Variants in EYS observed in about 807,000 individuals in gnomAD.
The protein encoded by EYS is EGF-like photoreceptor maintenance factor.
Under a neutral mutation model 282.1 loss-of-function variants are expected in EYS, and 250 were observed. The observed-to-expected ratio is 0.89, with a 90% CI of 0.80 to 0.98. The LOEUF (loss-of-function observed/expected upper bound fraction) is 0.98. Among genes scored for constraint, EYS ranks in the 50% least tolerant of loss-of-function variants. The probability of loss-of-function intolerance (pLI) is 0.00; values close to 1 mark genes in which losing one functional copy is unlikely to be tolerated. For synonymous variants in EYS, 1,355 were observed against 1,282.9 expected (o/e 1.06, Z -1.20); for missense variants, 4,016 against 3,709.0 (o/e 1.08, Z -2.15).
At chr6:64,469,893 A>G (rs1776064912) in intron 26 of EYS, among the ~76,000 whole-genome samples, 1 of 152,128 alleles carries the variant, frequency 6.6e-6, no homozygotes, top group Non-Finnish European at 1.5e-5. Context: ...TGCCTTTTAG[A>G]TAATAGTAGC....
chr6:64,189,926 T>C (rs1245103883), intron 31 of EYS, among the ~76,000 whole-genome samples: 2 of 152,222 alleles, frequency 1.3e-5, no homozygotes, highest in Non-Finnish European at 2.9e-5. Flanking sequence ...CTGTGCTAGA[T>C]ACATACTAAA....
At chr6:65,335,703 A>G (rs1259273456) in intron 10 of EYS, among the ~76,000 whole-genome samples, 1 of 151,666 alleles carries the variant, frequency 6.6e-6, no homozygotes, top group African/African-American at 2.4e-5. Flanking sequence ...TGCTTTCCCC[A>G]CAAACTTGCT....
intron 19 of EYS, 105 bp from the exon 20 acceptor site, chr6:64,822,927 A>G (rs1023732518): frequency 4.1e-5 from 35 of 845,874 alleles, no homozygotes; most frequent in Admixed American, 6.3e-5. Flanking sequence ...ACCTCTCTCT[A>G]TAATGATAAC....
intron 14 of EYS, among the ~76,000 whole-genome samples, chr6:64,964,242 T>G (rs1770022791): frequency 6.6e-6 from 1 of 152,100 alleles, no homozygotes; most frequent in Non-Finnish European, 1.5e-5. Flanking sequence ...TATGAAGGAA[T>G]TTTTATTTCC....
chr6:65,238,600 A>C (rs1284587530), intron 12 of EYS, among the ~76,000 whole-genome samples: 1 of 152,012 alleles, frequency 6.6e-6, no homozygotes, highest in Non-Finnish European at 1.5e-5. Flanking sequence ...GTACGAAAGC[A>C]CTTTTAAAAA....
At chr6:64,793,440 T>C (rs917013048) in intron 22 of EYS, among the ~76,000 whole-genome samples, 2 of 152,088 alleles carry the variant, frequency 1.3e-5, no homozygotes, top group African/African-American at 4.8e-5. Flanking sequence ...TAAGTAATAG[T>C]AGGGAATGTA....
chr6:65,367,420 A>C (rs1468671732), intron 8 of EYS, among the ~76,000 whole-genome samples: 1 of 151,754 alleles, frequency 6.6e-6, no homozygotes, highest in Non-Finnish European at 1.5e-5. Context: ...CTTGTTAAAA[A>C]AAGTTTTTTT....
chr6:63,850,448 A>C (rs1290601659), intron 36 of EYS, among the ~76,000 whole-genome samples: 1 of 152,230 alleles, frequency 6.6e-6, no homozygotes, highest in Non-Finnish European at 1.5e-5. Flanking sequence ...GGTTACCCAC[A>C]AAGGGAAGCC....
At chr6:65,317,700 T>C (rs1267079144) in intron 11 of EYS, among the ~76,000 whole-genome samples, 2 of 152,086 alleles carry the variant, frequency 1.3e-5, no homozygotes, top group African/African-American at 2.4e-5. Context: ...GGCTGGAGAA[T>C]CCACTGTTAA....
chr6:65,366,978 C>G (rs551792086), intron 8 of EYS, among the ~76,000 whole-genome samples: 11 of 151,654 alleles, frequency 7.3e-5, no homozygotes, highest in African/African-American at 2.4e-4. Flanking sequence ...TTATATCAGG[C>G]CCCATCTGAT....
chr6:65,180,630 A>C (rs916177206), intron 12 of EYS, among the ~76,000 whole-genome samples: 3 of 152,040 alleles, frequency 2.0e-5, no homozygotes, highest in East Asian at 3.9e-4. Flanking sequence ...GGCCATACTG[A>C]CCAAGGTAAT....
chr6:64,948,280 A>T (rs1769361041), intron 14 of EYS, among the ~76,000 whole-genome samples: 1 of 151,362 alleles, frequency 6.6e-6, no homozygotes, highest in Non-Finnish European at 1.5e-5. Flanking sequence ...TTTATTCATC[A>T]GTATCTTACT....
intron 22 of EYS, among the ~76,000 whole-genome samples, chr6:64,691,558 A>G (rs79056611): frequency 1.3e-5 from 2 of 152,122 alleles, no homozygotes; most frequent in African/African-American, 2.4e-5. Flanking sequence ...GATTTGTTAC[A>G]TGGGAATATA....
In EYS at chr6:64,540,377, C is replaced by G. The variant is rs77293060; in HGVS notation, c.5644+49846G>C. Among the ~76,000 whole-genome samples the G allele has an allele frequency of 5.2e-3, 790 of 151,918 alleles. 7 individuals carry two copies. The highest frequency in any genetic ancestry group is 8.9e-3 in the Admixed American group (135 of 15,238). On this transcript the variant is annotated intron_variant, in intron 26 of 42. Transcript: ENST00000503581. ...GGTAACAGACGCCTGTTCAGAGAAGCAATGTAAGGTGATTATTTACACATA... is the reference window on the plus strand; with the variant it reads ...GGTAACAGACGCCTGTTCAGAGAAGGAATGTAAGGTGATTATTTACACATA...
chr6:64,563,440 T>G (rs1016990055), intron 26 of EYS, among the ~76,000 whole-genome samples: 2 of 152,098 alleles, frequency 1.3e-5, no homozygotes. Flanking sequence ...AGAAATCTCA[T>G]GTATTCAAAA....
chr6:65,342,108 A>G (rs1477147986), intron 10 of EYS, among the ~76,000 whole-genome samples: 1 of 151,160 alleles, frequency 6.6e-6, no homozygotes, highest in Non-Finnish European at 1.5e-5. Flanking sequence ...ATTTTTCAAA[A>G]TACATAAATA....
intron 21 of EYS, among the ~76,000 whole-genome samples, chr6:64,820,988 C>T (rs1178696840): frequency 6.6e-6 from 1 of 152,018 alleles, no homozygotes; most frequent in Non-Finnish European, 1.5e-5. Context: ...CCTCCCTTTA[C>T]CATGTTATTG....
intron 22 of EYS, among the ~76,000 whole-genome samples, chr6:64,811,966 T>C (rs1283217215): frequency 1.3e-5 from 2 of 152,142 alleles, no homozygotes; most frequent in Non-Finnish European, 2.9e-5. Context: ...ATAATCAATT[T>C]TTTTATTGAA....
intron 31 of EYS, among the ~76,000 whole-genome samples, chr6:64,175,998 G>A (rs900083569): frequency 2.0e-5 from 3 of 152,080 alleles, no homozygotes; most frequent in Non-Finnish European, 4.4e-5. Context: ...GGTAAGAGAG[G>A]ATAAGGAATG....
Sources: gnomAD v4.1 joint callset for allele counts (sites outside exome capture counted in the v4.1 genomes callset) on GRCh38, gnomAD v4.1.1 for gene constraint, MANE v1.5 for transcripts, NCBI Gene and HGNC (gene_info 2026-07-23, HGNC 2026-07-21) for gene names.